Variants in TACC2 observed in about 807,000 individuals in gnomAD.
TACC2 encodes transforming acidic coiled-coil-containing protein 2.
Under a neutral mutation model 227.3 loss-of-function variants are expected in TACC2, and 137 were observed. The ratio of observed to expected loss-of-function variants is 0.60; its 90% CI spans 0.52 to 0.69. The LOEUF is 0.69. TACC2 is among the 30% of genes least tolerant of loss of function. The pLI, the probability that TACC2 is intolerant of heterozygous loss-of-function variation, is 0.00. For missense variants in TACC2, 3,470 were observed against 3,694.4 expected, an observed-to-expected ratio of 0.94 and a Z score of 1.57; for synonymous variants, 1,523 against 1,487.5, an observed-to-expected ratio of 1.02 and a Z score of -0.55.
At chr10:122,008,513 G>C (rs1478176630) in intron 1 of TACC2, among the ~76,000 whole-genome samples, 2 of 151,882 alleles carry the variant, frequency 1.3e-5, no homozygotes, top group Non-Finnish European at 2.9e-5. Flanking sequence ...GCCCGCCTTG[G>C]CCTCCCAAAG....
chr10:122,165,202 CCT>C (rs2139903992), intron 7 of TACC2, among the ~76,000 whole-genome samples: 2 of 152,304 alleles, frequency 1.3e-5, no homozygotes, highest in Non-Finnish European at 2.9e-5. Flanking sequence ...GCTGTGCCTG[CCT>C]TGTTTCTCAT....
intron 1 of TACC2, among the ~76,000 whole-genome samples, chr10:122,016,566 T>TAAAA (rs35641018): frequency 1.5e-5 from 2 of 135,162 alleles, no homozygotes; most frequent in Admixed American, 1.5e-4. Flanking sequence ...GACTCTGTCT[T>TAAAA]AAAAAAAAAA....
chr10:122,010,662 C>T (rs917750902), intron 1 of TACC2, among the ~76,000 whole-genome samples: 6 of 152,094 alleles, frequency 3.9e-5, no homozygotes, highest in African/African-American at 9.7e-5. Flanking sequence ...AGGGATTGGA[C>T]GCATCCCTCA....
At chr10:122,051,151 A>G in intron 3 of TACC2, 1 of 152,524 alleles carries the variant, frequency 6.6e-6, no homozygotes, top group Non-Finnish European at 1.5e-5. Flanking sequence ...TCGTGGGTTC[A>G]AGCGATTCTC....
At chr10:122,163,477 C>A (rs1347626622) in intron 7 of TACC2, 1 of 771,762 alleles carries the variant, frequency 1.3e-6, no homozygotes, top group Non-Finnish European at 1.6e-6. Context: ...AGGGTCTTCG[C>A]CTCCCCACCC....
Position 122,249,070 on chromosome 10 carries a change from A to G in TACC2, c.8574A>G (p.Arg2858=). Residue 2858 remains arginine, a synonymous_variant, in exon 21 of 23, where the codon AGA becomes AGG. Transcript: ENST00000369005. ...GFRKNEEVLK[R]CAQEYLSRVK... ...GTCAGAATGAAGAGGTGTTGAAGAG[A>G]TGTGCGCAGGAGTACCTGTCCCGGG... 5.0e-6 allele frequency: 8 copies of G among 1,613,168 alleles called. No homozygotes were observed. The highest frequency in any genetic ancestry group is 5.9e-6 in the Non-Finnish European group (7 of 1,179,860).
chr10:122,047,977 A>G (rs2075223189), intron 2 of TACC2, among the ~76,000 whole-genome samples: 1 of 152,226 alleles, frequency 6.6e-6, no homozygotes, highest in African/African-American at 2.4e-5. Flanking sequence ...GAACACAGAT[A>G]GCCAACCACT....
At chr10:122,025,265 T>C (rs956266423) in intron 2 of TACC2, among the ~76,000 whole-genome samples, 4 of 152,196 alleles carry the variant, frequency 2.6e-5, no homozygotes, top group Non-Finnish European at 5.9e-5. Flanking sequence ...TTATTATTCA[T>C]ATATATATTT....
At chr10:122,005,683 CTTTTTT>C (rs67744191) in intron 1 of TACC2, among the ~76,000 whole-genome samples, 1 of 108,388 alleles carries the variant, frequency 9.2e-6, no homozygotes. Flanking sequence ...CGTGCCTGGC[CTTTTTT>C]TTTTTTTTCT....
chr10:121,997,623 G>C (rs1201842760), intron 1 of TACC2, among the ~76,000 whole-genome samples: 1 of 152,092 alleles, frequency 6.6e-6, no homozygotes, highest in Non-Finnish European at 1.5e-5. Context: ...AACAAAGGCA[G>C]GCCTTCCAAC....
At chr10:122,109,108 G>T (rs1402668447) in intron 5 of TACC2, among the ~76,000 whole-genome samples, 1 of 151,738 alleles carries the variant, frequency 6.6e-6, no homozygotes, top group Non-Finnish European at 1.5e-5. Context: ...AAATTGTGCT[G>T]CTGTAAACAT....
chr10:122,087,840 G>A lies in TACC2; in HGVS notation c.5340G>A (p.Gly1780=), dbSNP rs10788237. The change falls in exon 4 of 23, where the codon GGG becomes GGA. Residue 1780 remains glycine, a synonymous_variant. Transcript: ENST00000369005. ...CCCAGCAGGCTAAGGAGCAGCCAGG[G>A]CCTGAGCGCCCCATTCCAGCTGGGG... The part of the protein sequence containing the change: ...ARPQQAKEQP[G]PERPIPAGDG... The A allele has an allele frequency of 0.22, 345,681 of 1,538,796 alleles. 40,009 individuals are homozygous for A. The highest frequency in any genetic ancestry group is 0.32 in the African/African-American group (23,280 of 73,024).
chr10:122,098,167 T>C (rs1396962576), intron 5 of TACC2, among the ~76,000 whole-genome samples: 1 of 152,182 alleles, frequency 6.6e-6, no homozygotes, highest in Admixed American at 6.5e-5. Flanking sequence ...CTATGTACCC[T>C]GTAGGATCAG....
intron 2 of TACC2, among the ~76,000 whole-genome samples, chr10:122,035,840 T>C (rs1960130156): frequency 6.6e-6 from 1 of 152,048 alleles, no homozygotes; most frequent in African/African-American, 2.4e-5. Flanking sequence ...TCTGACTGGG[T>C]CTTATTCTGT....
At chr10:122,006,266 G>A (rs1239017048) in intron 1 of TACC2, among the ~76,000 whole-genome samples, 1 of 151,736 alleles carries the variant, frequency 6.6e-6, no homozygotes, top group Non-Finnish European at 1.5e-5. Context: ...GGCTAACATG[G>A]TGAAACCCCG....
At position 122,125,932 on chromosome 10, in the gene TACC2, G is replaced by A. The variant is rs551488379; in HGVS notation, c.5574-6677G>A. 1.7e-4 allele frequency among the ~76,000 whole-genome samples: 26 copies of A among 151,848 alleles called. No individual in the cohort carries two copies. The South Asian group carries it at 1.9e-3, about 11-fold the overall frequency. On this transcript the variant is annotated intron_variant, in intron 5 of 22. Coordinates refer to ENST00000369005, the MANE Select transcript of TACC2 (RefSeq NM_206862.4). ...GCTGGGACTACAGGTGCGCGCCACC[G>A]CACCCAACTAATTTTTTTGTATTTT...
At chr10:122,042,106 C>T (rs1288865956) in intron 2 of TACC2, among the ~76,000 whole-genome samples, 2 of 152,088 alleles carry the variant, frequency 1.3e-5, no homozygotes, top group African/African-American at 2.4e-5. Flanking sequence ...CGACCACGCC[C>T]GGCTAACTTT....
intron 3 of TACC2, among the ~76,000 whole-genome samples, chr10:122,054,903 C>G (rs1208271939): frequency 6.6e-6 from 1 of 152,098 alleles, no homozygotes; most frequent in East Asian, 1.9e-4. Flanking sequence ...GCTGGCTCCC[C>G]GAGGACAGGT....
chr10:122,241,514 C>T (rs2095993149), intron 18 of TACC2: 1 of 169,532 alleles, frequency 5.9e-6, no homozygotes, highest in East Asian at 1.6e-4. Context: ...TGGTCTCGAA[C>T]TCTTGGACTC....
Sources: allele counts gnomAD v4.1 joint callset (sites outside exome capture counted in the v4.1 genomes callset), GRCh38; gene constraint gnomAD v4.1.1; transcripts MANE v1.5; gene names NCBI Gene and HGNC (gene_info 2026-07-23, HGNC 2026-07-21).